Variants in ARHGEF6 observed in about 807,000 individuals in gnomAD.
The protein encoded by ARHGEF6 is rho guanine nucleotide exchange factor 6.
A neutral mutation model predicts 70.3 loss-of-function variants in ARHGEF6; 9 were observed. The ratio of observed to expected loss-of-function variants is 0.13; its 90% CI spans 0.08 to 0.22. The LOEUF is 0.22. ARHGEF6 is among the 10% of genes least tolerant of loss of function. The pLI, the probability that ARHGEF6 is intolerant of heterozygous loss-of-function variation, is 1.00. For missense variants in ARHGEF6, 470 were observed against 563.0 expected (o/e 0.83, Z 1.67); for synonymous variants, 201 against 207.8 (o/e 0.97, Z 0.28).
At chrX:136,726,917 AAAGAATT>A (rs2076858785) in intron 6 of ARHGEF6, among the ~76,000 whole-genome samples, 1 of 112,652 alleles carries the variant, frequency 8.9e-6, no homozygotes, top group African/African-American at 3.2e-5. Context: ...TGCAGTGAAT[AAAGAATT>A]TCATCTTACA....
At position 136,681,916 on chromosome X, in the gene ARHGEF6, C is replaced by T. The variant is rs759754670; in HGVS notation, c.1532G>A (p.Gly511Glu). Residue 511 changes from glycine (G) to glutamate (E), a missense_variant, in exon 14 of 22, where the codon GGG becomes GAG. Physicochemically the swap from Gly to Glu is moderately conservative, Grantham distance 98. Transcript: ENST00000250617. Reference sequence around the variant, plus strand: ...AGTGATTTCAAATGTGCAGTCATTCCCTTCAATTTCATCTAATCTAGTCAC... The same window carrying T: ...AGTGATTTCAAATGTGCAGTCATTCTCTTCAATTTCATCTAATCTAGTCAC... ...TVVTRLDEIEGNDCTFEITGN... is the reference protein window; with the variant it reads ...TVVTRLDEIEENDCTFEITGN... 4 of 1,207,095 alleles carry T rather than the reference C, an allele frequency of 3.3e-6. No individual in the cohort carries two copies. The highest frequency in any genetic ancestry group is 2.2e-6 in the Non-Finnish European group (2 of 892,841).
chrX:136,712,287 A>G (rs2076694394), intron 7 of ARHGEF6, among the ~76,000 whole-genome samples: 1 of 111,113 alleles, frequency 9.0e-6, no homozygotes, highest in Admixed American at 9.5e-5. Context: ...TTGCTTTTGT[A>G]TTTTTAGTAG....
chrX:136,774,636 G>A (rs187083013), intron 2 of ARHGEF6, among the ~76,000 whole-genome samples: 70 of 68,907 alleles, frequency 1.0e-3, no homozygotes, highest in African/African-American at 4.3e-3. Context: ...GGGTGACAGA[G>A]CAAAACTCTG....
At chrX:136,668,254 A>G (rs1395395251) in intron 21 of ARHGEF6, 85 bp from the exon 22 acceptor site, 3 of 1,075,230 alleles carry the variant, frequency 2.8e-6, no homozygotes, top group Non-Finnish European at 3.8e-6. Flanking sequence ...GGCAGCTTTC[A>G]TCACTGACTC....
intron 15 of ARHGEF6, among the ~76,000 whole-genome samples, chrX:136,680,217 C>T (rs2076319630): frequency 8.9e-6 from 1 of 112,609 alleles, no homozygotes; most frequent in Admixed American, 9.4e-5. Flanking sequence ...TCAGCAAGTA[C>T]AGTAAAATCT....
intron 9 of ARHGEF6, among the ~76,000 whole-genome samples, chrX:136,701,746 C>G (rs2076574536): frequency 2.4e-5 from 2 of 83,944 alleles, no homozygotes; most frequent in African/African-American, 9.5e-5. Flanking sequence ...CTCGCTCTGT[C>G]ACCCAGGCTG....
intron 5 of ARHGEF6, among the ~76,000 whole-genome samples, chrX:136,739,667 A>G (rs2077023059): frequency 8.9e-6 from 1 of 112,070 alleles, no homozygotes; most frequent in East Asian, 2.8e-4. Context: ...GGGAAGAGGG[A>G]TAGAGGGAGT....
At chrX:136,769,597 A>C (rs953236857) in intron 2 of ARHGEF6, among the ~76,000 whole-genome samples, 2 of 110,955 alleles carry the variant, frequency 1.8e-5, no homozygotes, top group African/African-American at 6.6e-5. Context: ...GCTTTCAGAG[A>C]CCAGTCGGTC....
chrX:136,697,552 C>T (rs1183939610), intron 9 of ARHGEF6, among the ~76,000 whole-genome samples: 1 of 112,164 alleles, frequency 8.9e-6, no homozygotes, highest in Non-Finnish European at 1.9e-5. Context: ...TGATACCAAA[C>T]GGGGCTTAAA....
intron 5 of ARHGEF6, among the ~76,000 whole-genome samples, chrX:136,742,410 TTAATAG>T (rs1454122339): frequency 2.7e-5 from 3 of 112,084 alleles, no homozygotes; most frequent in East Asian, 5.5e-4. Flanking sequence ...TATTAATTAA[TTAATAG>T]TATCAATTTT....
rs751770824 is a variant in ARHGEF6, at chrX:136,743,052, C to CA, written c.661+532dup. The stretch of plus-strand genomic sequence containing the variant: ...CGATTTCATTCTCTGGCTATTGTTA[C>CA]AAAAAAAAGGTAAACAGCTAGCAGT... On this transcript the variant is annotated intron_variant, in intron 5 of 21. Coordinates refer to ENST00000250617, the MANE Select transcript of ARHGEF6 (RefSeq NM_004840.3). Among the ~76,000 whole-genome samples the CA allele has an allele frequency of 1.1e-4, 12 of 111,115 alleles. No individual in the cohort carries two copies. In the East Asian group the frequency reaches 2.8e-3, roughly 26 times the overall value.
At chrX:136,690,483 T>C (rs1295009739) in intron 10 of ARHGEF6, 127 bp downstream of exon 10, 2 of 746,607 alleles carry the variant, frequency 2.7e-6, no homozygotes, top group Non-Finnish European at 4.0e-6. Flanking sequence ...GAAGAACAGA[T>C]AAAGTAAATT....
chrX:136,769,764 A>G (rs377119256), intron 2 of ARHGEF6, among the ~76,000 whole-genome samples: 45 of 112,454 alleles, frequency 4.0e-4, no homozygotes, highest in African/African-American at 1.2e-3. Context: ...GAGAGACATC[A>G]GTGACCCTCT....
At chrX:136,686,627 T>TATATATATATATATATATATATATACAC (rs1569393860) in intron 11 of ARHGEF6, among the ~76,000 whole-genome samples, 40 of 52,297 alleles carry the variant, frequency 7.6e-4, no homozygotes, top group East Asian at 3.3e-3. Context: ...TATATACACA[T>TATATATATATATATATATATATATACAC]ATATATATAT....
intron 12 of ARHGEF6, 73 bp downstream of exon 12, chrX:136,685,604 C>CA (rs377510796): frequency 0.055 from 49,236 of 890,753 alleles, 396 homozygotes; most frequent in African/African-American, 0.18. Flanking sequence ...AAGACTCCGT[C>CA]AAAAAAAAAA....
At chrX:136,729,337 G>A (rs756072185) in intron 6 of ARHGEF6, among the ~76,000 whole-genome samples, 57 of 105,449 alleles carry the variant, frequency 5.4e-4, no homozygotes, top group Middle Eastern at 4.8e-3. Context: ...GAATTGTGGT[G>A]CATGCCTGTA....
intron 9 of ARHGEF6, among the ~76,000 whole-genome samples, chrX:136,703,152 A>C (rs1487540766): frequency 8.9e-6 from 1 of 112,340 alleles, no homozygotes; most frequent in Non-Finnish European, 1.9e-5. Flanking sequence ...GCATGAATCT[A>C]CATGACCTGG....
intron 4 of ARHGEF6, among the ~76,000 whole-genome samples, chrX:136,744,067 T>C (rs1224536733): frequency 8.9e-6 from 1 of 111,740 alleles, no homozygotes; most frequent in East Asian, 2.8e-4. Flanking sequence ...CTAAAGATTA[T>C]CTATTTAACT....
intron 12 of ARHGEF6, 55 bp downstream of exon 12, chrX:136,685,622 A>AAT: frequency 9.2e-7 from 1 of 1,089,953 alleles, no homozygotes; most frequent in Non-Finnish European, 1.2e-6. Context: ...AAAAAAAAAA[A>AAT]GGAAGAAAAA....
Sources: gnomAD v4.1 joint callset for allele counts (sites outside exome capture counted in the v4.1 genomes callset) on GRCh38, gnomAD v4.1.1 for gene constraint, MANE v1.5 for transcripts, NCBI Gene and HGNC (gene_info 2026-07-23, HGNC 2026-07-21) for gene names.